Variants in NAV3 observed in about 807,000 individuals in gnomAD.
NAV3 encodes neuron navigator 3.
NAV3 carries 87 observed loss-of-function variants against 244.7 expected under a neutral mutation model. The observed-to-expected ratio is 0.36, with a 90% CI of 0.30 to 0.42. The LOEUF (loss-of-function observed/expected upper bound fraction) is 0.42. Among genes scored for constraint, NAV3 ranks in the 20% least tolerant of loss-of-function variants. The pLI is 1.00. For missense variants in NAV3, 2,663 were observed against 2,893.3 expected, an observed-to-expected ratio of 0.92 and a Z score of 1.83; for synonymous variants, 1,126 against 1,042.2, an observed-to-expected ratio of 1.08 and a Z score of -1.55.
intron 2 of NAV3, among the ~76,000 whole-genome samples, chr12:77,771,217 C>T (rs1258564212): frequency 6.6e-6 from 1 of 152,130 alleles, no homozygotes; most frequent in Non-Finnish European, 1.5e-5. Context: ...CAATGAGATA[C>T]CATCTCACAC....
chr12:77,572,842 G>A lies in NAV3; in HGVS notation c.72+576G>A, dbSNP rs573851789. Reference sequence around the variant, plus strand: ...TGCTAACTTTATTTTAAAAGAAAGCGTTTAGCGAGCTTTTTAGTAAGAAGT... The same window carrying A: ...TGCTAACTTTATTTTAAAAGAAAGCATTTAGCGAGCTTTTTAGTAAGAAGT... On this transcript the variant is annotated intron_variant, in intron 2 of 8. Transcript: ENST00000550042. 2.7e-4 allele frequency among the ~76,000 whole-genome samples: 41 copies of A among 152,350 alleles called. No individual in the cohort carries two copies. The East Asian group carries it at 5.2e-3, about 19-fold the overall frequency.
rs72076222 is a variant in NAV3 at position 77,879,685 on chromosome 12, CAAA to C, written c.243+48002_243+48004del. On this transcript the variant is annotated intron_variant, in intron 1 of 39. Transcript: ENST00000397909. ...GAAAGAGCGAAGTGAAACTCCATCT[CAAA>C]AAAAAAAAAAAAAAAAAAAAGGAAA... Among the ~76,000 whole-genome samples the C allele has an allele frequency of 1.6e-4, 14 of 85,064 alleles. No homozygotes were observed. In the South Asian group the frequency reaches 1.8e-3, roughly 11 times the overall value. 55.8% of individuals were successfully genotyped at this position (85,064 alleles called of 152,430 possible).
intron 2 of NAV3, among the ~76,000 whole-genome samples, chr12:77,781,926 C>G (rs1029551319): frequency 1.3e-5 from 2 of 152,126 alleles, no homozygotes; most frequent in African/African-American, 2.4e-5. Flanking sequence ...CACTGCATCA[C>G]TTTTGCTATG....
At chr12:77,650,117 C>T (rs1354183541) in intron 2 of NAV3, among the ~76,000 whole-genome samples, 2 of 152,172 alleles carry the variant, frequency 1.3e-5, no homozygotes, top group Admixed American at 1.3e-4. Flanking sequence ...CTAAGTGCCT[C>T]CGAGGTGCCA....
intron 2 of NAV3, among the ~76,000 whole-genome samples, chr12:77,672,009 G>A (rs1224023754): frequency 6.6e-6 from 1 of 152,190 alleles, no homozygotes; most frequent in Non-Finnish European, 1.5e-5. Context: ...CTATGCCTCC[G>A]ACAAAAGACC....
chr12:77,614,468 A>T (rs536033696), intron 2 of NAV3, among the ~76,000 whole-genome samples: 1 of 152,162 alleles, frequency 6.6e-6, no homozygotes, highest in Non-Finnish European at 1.5e-5. Context: ...ATTTTAAAAA[A>T]TATATTAAAT....
chr12:77,681,177 C>T (rs920842856), intron 2 of NAV3, among the ~76,000 whole-genome samples: 1 of 152,090 alleles, frequency 6.6e-6, no homozygotes, highest in Non-Finnish European at 1.5e-5. Flanking sequence ...GATTTCAGTC[C>T]AGAATTTCAG....
chr12:77,849,707 G>A (rs981469335), intron 1 of NAV3, among the ~76,000 whole-genome samples: 4 of 152,052 alleles, frequency 2.6e-5, no homozygotes, highest in Non-Finnish European at 4.4e-5. Context: ...AAGCACTTCT[G>A]GTCCCAAGAA....
At chr12:77,855,743 C>A (rs1257879326) in intron 1 of NAV3, among the ~76,000 whole-genome samples, 1 of 152,186 alleles carries the variant, frequency 6.6e-6, no homozygotes, top group South Asian at 2.1e-4. Context: ...GAGTGACAAT[C>A]GATGCAGGGC....
intron 8 of NAV3, among the ~76,000 whole-genome samples, chr12:78,018,782 T>C (rs990999096): frequency 6.6e-6 from 1 of 152,146 alleles, no homozygotes; most frequent in African/African-American, 2.4e-5. Context: ...ATACTCTCCA[T>C]TTAAACTTCT....
At chr12:77,653,497 T>C (rs947254207) in intron 2 of NAV3, among the ~76,000 whole-genome samples, 2 of 152,250 alleles carry the variant, frequency 1.3e-5, no homozygotes, top group South Asian at 2.1e-4. Flanking sequence ...ATAGTTCTAA[T>C]TGGATTTGAA....
intron 1 of NAV3, among the ~76,000 whole-genome samples, chr12:77,835,048 G>A (rs1219786460): frequency 6.8e-6 from 1 of 146,554 alleles, no homozygotes; most frequent in African/African-American, 2.5e-5. Context: ...GAGTTGAGCA[G>A]TCCATGTATG....
intron 2 of NAV3, among the ~76,000 whole-genome samples, chr12:77,783,005 G>A (rs1473418286): frequency 6.6e-6 from 1 of 152,014 alleles, no homozygotes; most frequent in Non-Finnish European, 1.5e-5. Flanking sequence ...CAGTTCCTTA[G>A]CAATTGTTTT....
intron 12 of NAV3, among the ~76,000 whole-genome samples, chr12:78,097,916 A>AT (rs1954339818): frequency 6.6e-6 from 1 of 152,134 alleles, no homozygotes; most frequent in African/African-American, 2.4e-5. Context: ...TGCCAAAGAT[A>AT]TTTCAAGGGA....
chr12:78,182,771 CTTAA>C (rs1180845207), intron 30 of NAV3, among the ~76,000 whole-genome samples: 2 of 151,230 alleles, frequency 1.3e-5, no homozygotes, highest in East Asian at 3.9e-4. Flanking sequence ...ATCTTATTTC[CTTAA>C]TTATTTTTCA....
intron 12 of NAV3, among the ~76,000 whole-genome samples, chr12:78,068,071 A>G (rs1182680106): frequency 6.6e-6 from 1 of 152,034 alleles, no homozygotes; most frequent in East Asian, 1.9e-4. Flanking sequence ...TAATAACAAT[A>G]GCTATAATAG....
chr12:77,666,586 T>C (rs916325264), intron 2 of NAV3, among the ~76,000 whole-genome samples: 3 of 152,234 alleles, frequency 2.0e-5, no homozygotes, highest in African/African-American at 4.8e-5. Context: ...AATTGGCTTG[T>C]GCTAAGTAAG....
At chr12:77,771,752 G>A (rs907917586) in intron 2 of NAV3, among the ~76,000 whole-genome samples, 3 of 152,052 alleles carry the variant, frequency 2.0e-5, no homozygotes, top group African/African-American at 4.8e-5. Flanking sequence ...ATCACAATCC[G>A]GGGCTGTTGT....
At chr12:78,042,212 G>A (rs970766889) in intron 9 of NAV3, among the ~76,000 whole-genome samples, 1 of 152,154 alleles carries the variant, frequency 6.6e-6, no homozygotes, top group Non-Finnish European at 1.5e-5. Flanking sequence ...TCACTAGCTT[G>A]GGGAAGTATT....
Sources: gnomAD v4.1 joint callset for allele counts (sites outside exome capture counted in the v4.1 genomes callset) on GRCh38, gnomAD v4.1.1 for gene constraint, MANE v1.5 for transcripts, NCBI Gene and HGNC (gene_info 2026-07-23, HGNC 2026-07-21) for gene names.